The following DOK5 variants were observed in gnomAD, a reference collection of about 807,000 sequenced individuals.
DOK5 encodes the protein docking protein 5, also known as downstream of tyrosine kinase 5.
In DOK5, 27 loss-of-function variants were observed where a neutral mutation model predicts 43.3. The observed-to-expected ratio is 0.62, with a 90% confidence interval of 0.46 to 0.86. The LOEUF (loss-of-function observed/expected upper bound fraction) is 0.86. Ranked by LOEUF, DOK5 falls within the 40% of genes least tolerant of loss-of-function variation. The pLI, the probability that DOK5 is intolerant of heterozygous loss-of-function variation, is 0.00. For synonymous variants in DOK5, 146 were observed against 140.1 expected (o/e 1.04, Z -0.30); for missense variants, 373 against 392.9 (o/e 0.95, Z 0.43).
intron 2 of DOK5, among the ~76,000 whole-genome samples, chr20:54,579,682 A>T (rs1985573464): frequency 6.6e-6 from 1 of 152,182 alleles, no homozygotes. Flanking sequence ...TTGTCTTCAC[A>T]TAGCATAATG....
At chr20:54,527,630 T>C (rs1462870113) in intron 1 of DOK5, among the ~76,000 whole-genome samples, 2 of 152,152 alleles carry the variant, frequency 1.3e-5, no homozygotes, top group Non-Finnish European at 2.9e-5. Flanking sequence ...CTTACTTCCC[T>C]GGGAAGGTGG....
chr20:54,496,028 G>A (rs76967487), intron 1 of DOK5, among the ~76,000 whole-genome samples: 3,355 of 152,278 alleles, frequency 0.022, 107 homozygotes, highest in African/African-American at 0.072. Flanking sequence ...AGAGAGACAG[G>A]CACAGGATCA....
intron 5 of DOK5, among the ~76,000 whole-genome samples, chr20:54,607,655 G>T (rs1266266356): frequency 6.6e-6 from 1 of 151,842 alleles, no homozygotes; most frequent in Non-Finnish European, 1.5e-5. Flanking sequence ...GGGAGGCAGA[G>T]GTGGGCAGAT....
intron 1 of DOK5, among the ~76,000 whole-genome samples, chr20:54,488,950 A>T (rs539249520): frequency 3.3e-5 from 5 of 152,160 alleles, no homozygotes; most frequent in Non-Finnish European, 7.3e-5. Context: ...CCCAGGTCGT[A>T]GTCCTTAGTA....
chr20:54,615,780 T>G (rs1176699111), intron 6 of DOK5, among the ~76,000 whole-genome samples: 3 of 151,954 alleles, frequency 2.0e-5, no homozygotes, highest in African/African-American at 7.3e-5. Context: ...CGTGGTGGCG[T>G]GTGCCTGTAG....
At chr20:54,538,191 G>T (rs929614861) in intron 1 of DOK5, among the ~76,000 whole-genome samples, 3 of 150,926 alleles carry the variant, frequency 2.0e-5, no homozygotes, top group Non-Finnish European at 4.4e-5. Context: ...GAAAAAAATT[G>T]GTTTTATTAT....
chr20:54,572,363 C>T (rs1985310900), intron 2 of DOK5, among the ~76,000 whole-genome samples: 2 of 152,028 alleles, frequency 1.3e-5, no homozygotes, highest in South Asian at 2.1e-4. Context: ...AGGGTTTCAC[C>T]ATGTTAGCCA....
intron 1 of DOK5, among the ~76,000 whole-genome samples, chr20:54,514,397 C>T (rs2146690322): frequency 6.6e-6 from 1 of 152,200 alleles, no homozygotes; most frequent in East Asian, 1.9e-4. Context: ...AGAGGAATTC[C>T]AAGAATTCCA....
chr20:54,475,935 C>T lies in DOK5; in HGVS notation c.-12C>T, dbSNP rs1436246517. On this transcript the variant is annotated 5_prime_UTR_variant, in exon 1 of 8. Transcript: ENST00000262593. The surrounding 1 kb of genome is among the most constrained non-coding windows in gnomAD (Gnocchi z 4.2). ...CGCTCTTGGGTAAAGGGGGGGTCACCGGCTGTCTGGGATGGCTTCCAATTT... is the reference window on the plus strand; with the variant it reads ...CGCTCTTGGGTAAAGGGGGGGTCACTGGCTGTCTGGGATGGCTTCCAATTT... 2 of 1,613,018 alleles carry T rather than the reference C, an allele frequency of 1.2e-6. No homozygotes were observed. Among genetic ancestry groups the T allele is most frequent in the East Asian group, 2.2e-5 (1 of 44,870 alleles).
chr20:54,634,157 T>C (rs1217278092), intron 6 of DOK5, among the ~76,000 whole-genome samples: 4 of 152,200 alleles, frequency 2.6e-5, no homozygotes, highest in Non-Finnish European at 5.9e-5. Flanking sequence ...CTATGCGCAG[T>C]GGTCCGGTCA....
chr20:54,521,470 G>C (rs1302950371), intron 1 of DOK5, among the ~76,000 whole-genome samples: 2 of 152,042 alleles, frequency 1.3e-5, no homozygotes, highest in Non-Finnish European at 2.9e-5. Context: ...CAGAACTCAA[G>C]AAAACACTTT....
At chr20:54,645,025 T>TTTTTTTTG (rs1491431621) in intron 7 of DOK5, among the ~76,000 whole-genome samples, 1 of 90,800 alleles carries the variant, frequency 1.1e-5, no homozygotes, top group South Asian at 3.8e-4. Flanking sequence ...TTTTTTTTTT[T>TTTTTTTTG]GAGACAGAGT....
intron 1 of DOK5, among the ~76,000 whole-genome samples, chr20:54,489,588 T>C (rs1982083335): frequency 6.6e-6 from 1 of 152,150 alleles, no homozygotes; most frequent in South Asian, 2.1e-4. Context: ...CTTCTTTCCT[T>C]CCTTCCTTTT....
chr20:54,641,935 T>C (rs1028184420), intron 6 of DOK5, among the ~76,000 whole-genome samples: 4 of 152,162 alleles, frequency 2.6e-5, no homozygotes, highest in Admixed American at 2.6e-4. Context: ...GTGGGTGAAT[T>C]TTTTTAAAGA....
At position 54,500,557 on chromosome 20, in the gene DOK5, A is replaced by ATTTTTT. The variant is rs545357915; in HGVS notation, c.66+24561_66+24566dup. On this transcript the variant is annotated intron_variant, in intron 1 of 7. Coordinates refer to ENST00000262593, the MANE Select transcript of DOK5 (RefSeq NM_018431.5). Reference sequence around the variant, plus strand: ...ATATTTACAATGTCATACCCAGTGTATTTTTTTTTTTTTTTTTTTTTGAGA... The same window carrying ATTTTTT: ...ATATTTACAATGTCATACCCAGTGTATTTTTTTTTTTTTTTTTTTTTTTTTTTGAGA... Among the ~76,000 whole-genome samples the ATTTTTT allele has an allele frequency of 9.2e-4, 106 of 115,416 alleles. 1 individual carries two copies. Among genetic ancestry groups the ATTTTTT allele is most frequent in the African/African-American group, 3.0e-3 (89 of 29,698 alleles). The allele number at this position is 115,416 out of a possible 152,430, so 75.7% of individuals were successfully genotyped here.
chr20:54,647,519 A>C (rs1250817312), intron 7 of DOK5, among the ~76,000 whole-genome samples: 10 of 151,746 alleles, frequency 6.6e-5, no homozygotes, highest in Admixed American at 5.9e-4. Context: ...TAAAAAAAAA[A>C]AAAACAAAAA....
At chr20:54,648,251 G>A (rs1979532298) in intron 7 of DOK5, among the ~76,000 whole-genome samples, 1 of 152,122 alleles carries the variant, frequency 6.6e-6, no homozygotes, top group Admixed American at 6.6e-5. Context: ...CAAGCGCTGT[G>A]CTAGATGACA....
In DOK5 at chr20:54,557,723, C is replaced by T. The variant is rs137949718; in HGVS notation, c.174+2683C>T. The stretch of plus-strand genomic sequence containing the variant: ...CTCTCCCCCAGGTACCCACAGAGCT[C>T]GCTCCCTTACTTTGTTCAGTGCGTT... On this transcript the variant is annotated intron_variant, in intron 2 of 7. Coordinates refer to ENST00000262593, the MANE Select transcript of DOK5 (RefSeq NM_018431.5). Among the ~76,000 whole-genome samples, 13 of 152,244 alleles carry T rather than the reference C, an allele frequency of 8.5e-5. No homozygotes were observed. The East Asian group carries it at 2.3e-3, about 27-fold the overall frequency.
chr20:54,553,688 A>G (rs1984610686), intron 1 of DOK5, among the ~76,000 whole-genome samples: 1 of 150,466 alleles, frequency 6.6e-6, no homozygotes, highest in Admixed American at 6.6e-5. Context: ...TGAGGTGAGG[A>G]GTTTGAGTCC....
Sources: allele counts gnomAD v4.1 joint callset (sites outside exome capture counted in the v4.1 genomes callset), GRCh38; gene constraint gnomAD v4.1.1; non-coding constraint Gnocchi (gnomAD v3.1); transcripts MANE v1.5; gene names NCBI Gene and HGNC (gene_info 2026-07-23, HGNC 2026-07-21).